WBP2NL: variants seen among roughly 807,000 people sequenced by gnomAD.
WBP2NL encodes postacrosomal sheath WW domain-binding protein.
Under a neutral mutation model 23.3 loss-of-function variants are expected in WBP2NL, and 27 were observed. The observed-to-expected ratio is 1.16, with a 90% CI of 0.85 to 1.60. WBP2NL has a LOEUF of 1.60. Among genes scored for constraint, WBP2NL ranks in the 40% most tolerant of loss-of-function variants. WBP2NL has a pLI of 0.00. For synonymous variants in WBP2NL, 151 were observed against 145.9 expected (o/e 1.03, Z -0.25); for missense variants, 370 against 389.5 (o/e 0.95, Z 0.42).
chr22:42,001,792 C>G (rs1291108631), intron 1 of WBP2NL: 1 of 1,219,042 alleles, frequency 8.2e-7, no homozygotes, highest in Non-Finnish European at 1.2e-6. Flanking sequence ...GGAATACAGA[C>G]CATGCAGTCT....
In WBP2NL at chr22:42,028,032, T is replaced by C. The variant is rs1005961975; in HGVS notation, c.*851T>C. 5.0e-6 allele frequency: 2 copies of C among 398,404 alleles called. No homozygotes were observed. The highest frequency in any genetic ancestry group is 3.6e-5 in the East Asian group (1 of 28,052). 24.7% of individuals were successfully genotyped at this position (398,404 alleles called of 1,614,324 possible). On this transcript the variant is annotated 3_prime_UTR_variant, in exon 6 of 6. Transcript: ENST00000328823. ...TATTAAAACTCTTGATATGGCACTT[T>C]CACATTTTAAAATATGCCTGCGAGA...
Position 42,023,813 on chromosome 22 carries a change from T to A in WBP2NL, c.514+1457T>A, listed in dbSNP as rs563765119. Among the ~76,000 whole-genome samples, 601 of 152,064 alleles carry A rather than the reference T, an allele frequency of 4.0e-3. 3 individuals carry two copies. The highest frequency in any genetic ancestry group is 8.9e-3 in the African/African-American group (369 of 41,478). On this transcript the variant is annotated intron_variant, in intron 5 of 5. Coordinates refer to ENST00000328823, the MANE Select transcript of WBP2NL (RefSeq NM_152613.3). ...CCCAGCCCCTGCCAGCCTTTTTTTT[T>A]AAAAAAATTTTGTAGATACAGGGTC...
At chr22:42,022,212 T>A in intron 4 of WBP2NL, 37 bp from the exon 5 acceptor site, 1 of 1,543,606 alleles carries the variant, frequency 6.5e-7, no homozygotes, top group Non-Finnish European at 9.0e-7. Flanking sequence ...CTGACTTAAT[T>A]AAAAGAGTTC....
chr22:42,043,129 C>G (rs766382170), intron 8 of WBP2NL, among the ~76,000 whole-genome samples: 1 of 151,818 alleles, frequency 6.6e-6, no homozygotes, highest in Non-Finnish European at 1.5e-5. Context: ...GGGCAGCATG[C>G]TGCAGTGTGC....
intron 3 of WBP2NL, 72 bp from the exon 4 acceptor site, chr22:42,019,932 G>C: frequency 6.3e-7 from 1 of 1,591,648 alleles, no homozygotes; most frequent in Non-Finnish European, 8.6e-7. Flanking sequence ...TGCTTCCCTT[G>C]GTGTTTGTGG....
At chr22:41,999,748 CAG>C (rs1424674799) in intron 1 of WBP2NL, among the ~76,000 whole-genome samples, 1 of 152,172 alleles carries the variant, frequency 6.6e-6, no homozygotes, top group African/African-American at 2.4e-5. Context: ...GCCTGGGTAA[CAG>C]AGCCAGATCC....
chr22:42,007,257 A>G (rs914162567), intron 1 of WBP2NL, among the ~76,000 whole-genome samples: 11 of 152,252 alleles, frequency 7.2e-5, no homozygotes, highest in African/African-American at 2.4e-4. Context: ...GGTCATTACT[A>G]TAAACATTCC....
chr22:42,034,739 C>A (rs1925117323), downstream of WBP2NL, among the ~76,000 whole-genome samples: 2 of 152,276 alleles, frequency 1.3e-5, no homozygotes, highest in South Asian at 4.2e-4. Flanking sequence ...GAGACCTACC[C>A]CTAGGTGCGC....
intron 8 of WBP2NL, among the ~76,000 whole-genome samples, chr22:42,045,117 C>T (rs1282846513): frequency 6.6e-6 from 1 of 152,130 alleles, no homozygotes; most frequent in Non-Finnish European, 1.5e-5. Context: ...AAGCATAAGC[C>T]ACTATGCCCA....
At chr22:42,001,772 G>T in intron 1 of WBP2NL, 2 of 1,189,452 alleles carry the variant, frequency 1.7e-6, no homozygotes, top group Non-Finnish European at 2.5e-6. Context: ...ACAGGACTCC[G>T]TGCTCCTTGG....
chr22:42,007,913 A>G (rs1229600199), intron 1 of WBP2NL, among the ~76,000 whole-genome samples: 2 of 152,150 alleles, frequency 1.3e-5, no homozygotes, highest in East Asian at 3.9e-4. Context: ...TTGGATGTAT[A>G]CCCAGAAGCA....
In WBP2NL at chr22:41,998,880, G is replaced by A. The variant is rs764424344; in HGVS notation, c.62G>A (p.Ser21Asn). Residue 21 changes from serine to asparagine, a missense_variant and splice_region_variant, in exon 1 of 6, where the codon AGT becomes AAT. Physicochemically the swap from Ser to Asn is conservative, Grantham distance 46. Coordinates refer to ENST00000328823, the MANE Select transcript of WBP2NL (RefSeq NM_152613.3). Reference protein sequence around the residue: ...RRGALIPNGESLLKRSPNVEL... With the variant: ...RRGALIPNGENLLKRSPNVEL... ...GGAGCCCTCATCCCTAACGGTGAAA[G>A]GTGCCTGAGGGGAAGCACGGCGTGC... 1.1e-5 allele frequency: 17 copies of A among 1,609,182 alleles called. No homozygotes were observed. The highest frequency in any genetic ancestry group is 1.4e-5 in the Non-Finnish European group (16 of 1,176,698).
At chr22:42,029,621 CT>C (rs1924805510), downstream of WBP2NL, among the ~76,000 whole-genome samples, 1 of 152,212 alleles carries the variant, frequency 6.6e-6, no homozygotes, top group Non-Finnish European at 1.5e-5. Flanking sequence ...ATCCTCCTGT[CT>C]CAGCCTCCTG....
At chr22:42,000,895 T>A (rs1383974705) in intron 1 of WBP2NL, among the ~76,000 whole-genome samples, 2 of 151,920 alleles carry the variant, frequency 1.3e-5, no homozygotes, top group African/African-American at 2.4e-5. Context: ...ACCAAAAGGT[T>A]GAGGCAGGAG....
At chr22:42,013,548 T>C (rs1020208594) in intron 1 of WBP2NL, among the ~76,000 whole-genome samples, 2 of 152,196 alleles carry the variant, frequency 1.3e-5, no homozygotes, top group Non-Finnish European at 2.9e-5. Context: ...GAGTTTATTC[T>C]ACTTGGAGTT....
At chr22:42,009,467 C>T (rs1182854041) in intron 1 of WBP2NL, among the ~76,000 whole-genome samples, 1 of 151,818 alleles carries the variant, frequency 6.6e-6, no homozygotes, top group Non-Finnish European at 1.5e-5. Flanking sequence ...AGTCTTTAAT[C>T]CATTTTGAGT....
intron 1 of WBP2NL, among the ~76,000 whole-genome samples, chr22:41,999,334 G>A (rs1352344472): frequency 6.6e-6 from 1 of 152,222 alleles, no homozygotes; most frequent in African/African-American, 2.4e-5. Context: ...CGAACAAGGT[G>A]TCGCTCTTTG....
At chr22:41,999,050 C>T (rs1397764646) in intron 1 of WBP2NL, among the ~76,000 whole-genome samples, 170 bp downstream of exon 1, 1 of 147,076 alleles carries the variant, frequency 6.8e-6, no homozygotes, top group African/African-American at 2.5e-5. Flanking sequence ...GGTGTTCCGG[C>T]ATGTGGAGGT....
chr22:42,014,663 T>TA (rs1923143937), intron 1 of WBP2NL, among the ~76,000 whole-genome samples: 1 of 152,204 alleles, frequency 6.6e-6, no homozygotes, highest in Admixed American at 6.5e-5. Context: ...CCATTTGTGT[T>TA]ACTCAGGTAG....
Sources: allele counts gnomAD v4.1 joint callset (sites outside exome capture counted in the v4.1 genomes callset), GRCh38; gene constraint gnomAD v4.1.1; transcripts MANE v1.5; gene names NCBI Gene and HGNC (gene_info 2026-07-23, HGNC 2026-07-21).